Variants in TRIM7 observed in about 807,000 individuals in gnomAD.
TRIM7 encodes tripartite motif containing 7, also known as E3 ubiquitin-protein ligase TRIM7.
Under a neutral mutation model 37.9 loss-of-function variants are expected in TRIM7, and 32 were observed. That is an observed-to-expected ratio of 0.84 (90% confidence interval 0.64 to 1.13). TRIM7 has a LOEUF of 1.13. Ranked by LOEUF, TRIM7 falls within the 50% of genes most tolerant of loss-of-function variation. The pLI is 0.00. For missense variants in TRIM7, 732 were observed against 714.0 expected, an observed-to-expected ratio of 1.03 and a Z score of -0.29; for synonymous variants, 351 against 321.3, an observed-to-expected ratio of 1.09 and a Z score of -0.99.
At chr5:181,200,267 G>A (rs986363806) in intron 2 of TRIM7, 186 bp from the exon 3 acceptor site, 2 of 1,461,116 alleles carry the variant, frequency 1.4e-6, no homozygotes, top group East Asian at 4.9e-5. Flanking sequence ...GCTGTAGTCT[G>A]GACACATGCT....
At chr5:181,203,512 G>C (rs13357554) in intron 2 of TRIM7, 33 bp downstream of exon 2, 38,831 of 1,613,206 alleles carry the variant, frequency 0.024, 1,633 homozygotes, top group African/African-American at 0.18. Context: ...CCTCTGTAAT[G>C]TCCCACGGGG....
Position 181,203,299 on chromosome 5 carries a change from C to T in TRIM7, c.618+246G>A, listed in dbSNP as rs1226643461. The T allele has an allele frequency of 3.0e-6, 4 of 1,321,680 alleles. No homozygotes were observed. The African/African-American group carries it at 4.5e-5, about 15-fold the overall frequency. The allele number at this position is 1,321,680 out of a possible 1,614,324, so 81.9% of individuals were successfully genotyped here. On this transcript the variant is annotated intron_variant, in intron 2 of 6. Transcript: ENST00000274773. ...CAGAGTGACTGAGCGTCCTGATTCG[C>T]TGGGACAGCTCCAGTTTAAGCCAGT...
intron 6 of TRIM7, chr5:181,197,714 C>T (rs1441882366): frequency 5.9e-6 from 1 of 170,258 alleles, no homozygotes; most frequent in Non-Finnish European, 1.3e-5. Context: ...GCTCAGACAT[C>T]AGCATCAGGA....
intron 2 of TRIM7, chr5:181,200,901 C>T (rs1198586318): frequency 1.0e-6 from 1 of 985,442 alleles, no homozygotes; most frequent in Non-Finnish European, 1.2e-6. Context: ...AATGCCCCCA[C>T]CTTTCCTTCA....
chr5:181,200,346 C>G, intron 2 of TRIM7: 1 of 1,419,232 alleles, frequency 7.0e-7, no homozygotes, highest in East Asian at 2.6e-5. Context: ...TAAACCAAGG[C>G]AGCTTCATAC....
chr5:181,198,255 A>T (rs748421537), intron 5 of TRIM7, 37 bp from the exon 6 acceptor site: 3 of 1,610,790 alleles, frequency 1.9e-6, no homozygotes, highest in Non-Finnish European at 2.5e-6. Flanking sequence ...TGCATGAGCG[A>T]CACGGGAGAT....
At position 181,204,713 on chromosome 5, in the gene TRIM7, T is replaced by TGCTGCCCGCAGCGGGCAGCC. The variant is rs1561652937; in HGVS notation, c.378_397dup (p.His133ArgfsTer56). The TGCTGCCCGCAGCGGGCAGCC allele has an allele frequency of 2.7e-6, 4 of 1,486,620 alleles. No individual in the cohort carries two copies. In the South Asian group the frequency reaches 3.8e-5, roughly 14 times the overall value. The allele number at this position is 1,486,620 out of a possible 1,614,324, so 92.1% of individuals were successfully genotyped here. A position where few individuals can be genotyped will look rare whatever the true frequency, so the allele number is the denominator to read the frequency against. On this transcript the variant is annotated frameshift_variant, in exon 1 of 7. Coordinates refer to ENST00000274773, the MANE Select transcript of TRIM7 (RefSeq NM_203293.3). LOFTEE classifies it high-confidence loss of function. ...GCAGTAGAGCTTGAAGGGTTCGCCA[T>TGCTGCCCGCAGCGGGCAGCC]GCTGCCCGCAGCGGGCAGCCGCTGC...
In TRIM7 at chr5:181,204,714, G is replaced by C; in HGVS notation, c.397C>G (p.His133Asp). The C allele has an allele frequency of 6.7e-7, 1 of 1,484,946 alleles. No individual in the cohort carries two copies. 92.0% of individuals were successfully genotyped at this position (1,484,946 alleles called of 1,614,324 possible). A position where few individuals can be genotyped will look rare whatever the true frequency, so the allele number is the denominator to read the frequency against. Residue 133 changes from histidine to aspartate, a missense_variant, in exon 1 of 7, where the codon CAT becomes GAT. Transcript: ENST00000274773. Reference sequence around the variant, plus strand: ...CAGTAGAGCTTGAAGGGTTCGCCATGCTGCCCGCAGCGGGCAGCCGCTGCC... The same window carrying C: ...CAGTAGAGCTTGAAGGGTTCGCCATCCTGCCCGCAGCGGGCAGCCGCTGCC... ...ARAAAARCGQ[H>D]GEPFKLYCQD...
At chr5:181,204,177 C>T (rs2113095696) in intron 1 of TRIM7, 1 of 1,009,670 alleles carries the variant, frequency 9.9e-7, no homozygotes. Flanking sequence ...GAGGTGGGGA[C>T]TTTGAGCAGA....
At chr5:181,204,539 C>G in intron 1 of TRIM7, 50 bp downstream of exon 1, 1 of 1,307,338 alleles carries the variant, frequency 7.6e-7, no homozygotes, top group Non-Finnish European at 9.6e-7. Flanking sequence ...AGCGCGGGAC[C>G]AAGTCAGGGG....
At chr5:181,204,375 TG>T in intron 1 of TRIM7, 1 of 1,164,534 alleles carries the variant, frequency 8.6e-7, no homozygotes, top group Non-Finnish European at 1.1e-6. Flanking sequence ...GGAAACGCAG[TG>T]GGGGTGGGGT....
chr5:181,204,122 C>T, intron 1 of TRIM7: 1 of 998,220 alleles, frequency 1.0e-6, no homozygotes, highest in Non-Finnish European at 1.2e-6. Context: ...AACCCGGGAG[C>T]CCCCTCCCTG....
intron 6 of TRIM7, chr5:181,197,299 G>T (rs1403053857): frequency 6.6e-6 from 1 of 152,410 alleles, no homozygotes; most frequent in African/African-American, 2.4e-5. Context: ...ATAAACAGAA[G>T]ATGAGAGGGA....
rs573238145 is a variant in TRIM7, at chr5:181,199,246, G to A, written c.850-129C>T. 15 of 1,091,040 alleles carry A rather than the reference G, an allele frequency of 1.4e-5. No individual in the cohort carries two copies. The South Asian group carries it at 1.8e-4, about 13-fold the overall frequency. 67.6% of individuals were successfully genotyped at this position (1,091,040 alleles called of 1,614,324 possible). A position where few individuals can be genotyped will look rare whatever the true frequency, so the allele number is the denominator to read the frequency against. Reference sequence around the variant, plus strand: ...GCAAGTGTGCCACGCCTCACTGCCTGCGTGGGCCTCAGGGGCAGCAGCTTC... The same window carrying A: ...GCAAGTGTGCCACGCCTCACTGCCTACGTGGGCCTCAGGGGCAGCAGCTTC... On this transcript the variant is annotated intron_variant, in intron 3 of 6. Coordinates refer to ENST00000274773, the MANE Select transcript of TRIM7 (RefSeq NM_203293.3).
At position 181,195,554 on chromosome 5, in the gene TRIM7, T is replaced by C; in HGVS notation, c.1148A>G (p.Asn383Ser). Residue 383 changes from asparagine (N) to serine (S), a missense_variant, in exon 7 of 7, where the codon AAC (asparagine) becomes AGC (serine). Coordinates refer to ENST00000274773, the MANE Select transcript of TRIM7 (RefSeq NM_203293.3). Reference sequence around the variant, plus strand: ...GCCGCAGGACGCCAGGACGCGGGTGTTGGTGTCGAAGCGGCAGGGGTGGTT... The same window carrying C: ...GCCGCAGGACGCCAGGACGCGGGTGCTGGTGTCGAAGCGGCAGGGGTGGTT... ...LPNHPCRFDT[N>S]TRVLASCGFS... 1 of 1,611,362 alleles carries C rather than the reference T, an allele frequency of 6.2e-7. No individual in the cohort carries two copies. Among genetic ancestry groups the C allele is most frequent in the Non-Finnish European group, 8.5e-7 (1 of 1,178,370 alleles).
In TRIM7 at chr5:181,204,633, C is replaced by A; in HGVS notation, c.478G>T (p.Glu160Ter). 2 of 1,480,286 alleles carry A rather than the reference C, an allele frequency of 1.4e-6. No individual in the cohort carries two copies. The highest frequency in any genetic ancestry group is 2.4e-5 in the Admixed American group (1 of 42,550). 91.7% of individuals were successfully genotyped at this position (1,480,286 alleles called of 1,614,324 possible). The change falls in exon 1 of 7, where the codon GAG becomes TAG. Residue 160 changes from glutamate to a stop codon, truncating the protein, a stop_gained. Coordinates refer to ENST00000274773, the MANE Select transcript of TRIM7 (RefSeq NM_203293.3). LOFTEE classifies it high-confidence loss of function. ...TCGTCCAGCGGCAGCACGGCGTGCT[C>A]GCGGTGCTCGCGGGCGCGGTCGCAC... ...VVCDRAREHR[E>*]HAVLPLDEAV...
intron 2 of TRIM7, chr5:181,200,720 T>C: frequency 1.0e-6 from 1 of 988,336 alleles, no homozygotes; most frequent in Non-Finnish European, 1.2e-6. Flanking sequence ...ATACACCGGA[T>C]TTTTTACTCG....
At chr5:181,203,187 T>C in intron 2 of TRIM7, 2 of 822,802 alleles carry the variant, frequency 2.4e-6, no homozygotes. Context: ...TTCCCACTTA[T>C]TGAATATCCA....
chr5:181,198,038 G>C, intron 6 of TRIM7, 145 bp downstream of exon 6: 1 of 752,540 alleles, frequency 1.3e-6, no homozygotes, highest in Non-Finnish European at 2.2e-6. Context: ...GGGGTGGTGT[G>C]GGGGAGGGGA....
Sources: gnomAD v4.1 joint callset for allele counts on GRCh38, gnomAD v4.1.1 for gene constraint, MANE v1.5 for transcripts, NCBI Gene and HGNC (gene_info 2026-07-23, HGNC 2026-07-21) for gene names.